The following DNAJB14 variants were observed in gnomAD, a reference collection of about 807,000 sequenced individuals.
DNAJB14 encodes DnaJ heat shock protein family (Hsp40) member B14.
DNAJB14 carries 22 observed loss-of-function variants against 48.4 expected under a neutral mutation model. The ratio of observed to expected loss-of-function variants is 0.45; its 90% confidence interval spans 0.32 to 0.65. The LOEUF (loss-of-function observed/expected upper bound fraction) is 0.65. Ranked by LOEUF, DNAJB14 falls within the 30% of genes least tolerant of loss-of-function variation. DNAJB14 has a pLI of 0.03. For missense variants in DNAJB14, 319 were observed against 458.8 expected (o/e 0.70, Z 2.78); for synonymous variants, 142 against 158.7 (o/e 0.89, Z 0.79).
At chr4:99,936,499 G>C (rs1578237002) in intron 1 of DNAJB14, among the ~76,000 whole-genome samples, 1 of 152,102 alleles carries the variant, frequency 6.6e-6, no homozygotes, top group South Asian at 2.1e-4. Flanking sequence ...TTTATTTCCT[G>C]GCTCTGTCCA....
rs1477863998 is a variant in DNAJB14, at chr4:99,899,772, T to C, written c.*1256A>G. 2 of 151,912 alleles carry C rather than the reference T, an allele frequency of 1.3e-5. No individual in the cohort carries two copies. Among genetic ancestry groups the C allele is most frequent in the African/African-American group, 4.8e-5 (2 of 41,396 alleles). The allele number at this position is 151,912 out of a possible 1,614,324, so 9.4% of individuals were successfully genotyped here. ...AAATCAAATAGTTTCATATCCAGTA[T>C]ACAGGCATCAAAAACTTCAATTTCC... On this transcript the variant is annotated 3_prime_UTR_variant, in exon 8 of 8. Transcript: ENST00000442697.
chr4:99,940,230 TTTC>T (rs1488852013), intron 1 of DNAJB14, among the ~76,000 whole-genome samples: 1 of 152,254 alleles, frequency 6.6e-6, no homozygotes, highest in Non-Finnish European at 1.5e-5. Flanking sequence ...AAATAGATTT[TTTC>T]TTTTTCACAA....
chr4:99,900,820 T>G lies in DNAJB14; in HGVS notation c.*208A>C. 2 of 397,896 alleles carry G rather than the reference T, an allele frequency of 5.0e-6. No homozygotes were observed. Among genetic ancestry groups the G allele is most frequent in the Non-Finnish European group, 8.7e-6 (2 of 228,940 alleles). 24.6% of individuals were successfully genotyped at this position (397,896 alleles called of 1,614,324 possible). A position where few individuals can be genotyped will look rare whatever the true frequency, so the allele number is the denominator to read the frequency against. On this transcript the variant is annotated 3_prime_UTR_variant, in exon 8 of 8. Coordinates refer to ENST00000442697, the MANE Select transcript of DNAJB14 (RefSeq NM_001031723.4). ...TGTAAGCTTTTAAAATGAAAATACTTGTAGAAGCGTTAACTAAAATATTCC... is the reference window on the plus strand; with the variant it reads ...TGTAAGCTTTTAAAATGAAAATACTGGTAGAAGCGTTAACTAAAATATTCC...
rs956186325 is a variant in DNAJB14, at chr4:99,946,535, C to T, written c.37G>A (p.Glu13Lys). 2.5e-6 allele frequency: 4 copies of T among 1,613,746 alleles called. No homozygotes were observed. The highest frequency in any genetic ancestry group is 1.3e-5 in the African/African-American group (1 of 74,914). Residue 13 changes from glutamate to lysine, a missense_variant, in exon 1 of 8, where the codon GAG becomes AAG. This residue lies in a region of DNAJB14 where 116 missense variants were observed against 134.6 expected (regional missense o/e 0.86). Coordinates refer to ENST00000442697, the MANE Select transcript of DNAJB14 (RefSeq NM_001031723.4). ...GNRDEAEKCV[E>K]IAREALNAGN... ...GCGTTCAGGGCCTCCCGGGCGATCT[C>T]GACACATTTCTCAGCCTCATCCCTG...
At chr4:99,908,626 G>T in intron 4 of DNAJB14, 85 bp downstream of exon 4, 1 of 1,023,656 alleles carries the variant, frequency 9.8e-7, no homozygotes, top group Non-Finnish European at 1.3e-6. Flanking sequence ...TAGGGGAAAA[G>T]GTAGATACAT....
chr4:99,915,815 G>A (rs1405868783), intron 3 of DNAJB14, among the ~76,000 whole-genome samples: 1 of 152,154 alleles, frequency 6.6e-6, no homozygotes, highest in African/African-American at 2.4e-5. Context: ...ATCAATTATT[G>A]AGAGAGAGGT....
At chr4:99,924,871 A>C in intron 2 of DNAJB14, 1 of 1,321,468 alleles carries the variant, frequency 7.6e-7, no homozygotes, top group Non-Finnish European at 1.1e-6. Context: ...ACTGAATTCA[A>C]CTGTAGATTT....
At chr4:99,923,380 C>T (rs546777800) in intron 2 of DNAJB14, among the ~76,000 whole-genome samples, 195 bp from the exon 3 acceptor site, 2 of 152,268 alleles carry the variant, frequency 1.3e-5, no homozygotes, top group African/African-American at 4.8e-5. Context: ...CCAACCTCTT[C>T]CCGAATCTAA....
chr4:99,901,110 C>T lies in DNAJB14; in HGVS notation c.1058G>A (p.Arg353Gln), dbSNP rs1328655343. 10 of 1,610,588 alleles carry T rather than the reference C, an allele frequency of 6.2e-6. No homozygotes were observed. The highest frequency in any genetic ancestry group is 2.2e-5 in the East Asian group (1 of 44,794). The change falls in exon 8 of 8, where the codon CGA (arginine) becomes CAA (glutamine). Residue 353 changes from arginine (R) to glutamine (Q), a missense_variant. Coordinates refer to ENST00000442697, the MANE Select transcript of DNAJB14 (RefSeq NM_001031723.4). ...QYAAKVYRDDRLRRKADALSM... is the reference protein window; with the variant it reads ...QYAAKVYRDDQLRRKADALSM... ...CAAGGCATCTGCCTTCCTTCGGAGT[C>T]GATCATCACGGTATACTTTTGCTGC... is the stretch of plus-strand genomic sequence containing the variant.
intron 1 of DNAJB14, among the ~76,000 whole-genome samples, chr4:99,945,463 A>G (rs1727035702): frequency 1.3e-5 from 2 of 152,238 alleles, no homozygotes; most frequent in Admixed American, 1.3e-4. Flanking sequence ...GCAAGGCAAC[A>G]GTGTAGCGGT....
chr4:99,909,659 A>G (rs1349772309), intron 3 of DNAJB14, among the ~76,000 whole-genome samples: 1 of 152,064 alleles, frequency 6.6e-6, no homozygotes, highest in Admixed American at 6.6e-5. Context: ...CACAGTCCCA[A>G]ATCCAAAAGA....
intron 1 of DNAJB14, among the ~76,000 whole-genome samples, chr4:99,933,433 A>G (rs923178732): frequency 1.4e-4 from 21 of 149,710 alleles, no homozygotes; most frequent in African/African-American, 5.2e-4. Flanking sequence ...CTGGGACTAC[A>G]GGTACCTGCC....
intron 2 of DNAJB14, chr4:99,925,832 A>G (rs1444997507): frequency 1.3e-5 from 2 of 152,214 alleles, no homozygotes; most frequent in African/African-American, 4.8e-5. Flanking sequence ...TCTATTTCAA[A>G]TAAGTAATAA....
intron 4 of DNAJB14, among the ~76,000 whole-genome samples, chr4:99,908,167 CTT>C (rs1238741574): frequency 6.6e-6 from 1 of 151,942 alleles, no homozygotes; most frequent in African/African-American, 2.4e-5. Flanking sequence ...CAATATTTCA[CTT>C]TGATAGTCTA....
rs777433352 is a variant in DNAJB14 at position 99,901,076 on chromosome 4, G to A, written c.1092C>T (p.Asp364=). Residue 364 remains aspartate (D), a synonymous_variant, in exon 8 of 8, where the codon GAC becomes GAT. Coordinates refer to ENST00000442697, the MANE Select transcript of DNAJB14 (RefSeq NM_001031723.4). ...LRRKADALSM[D]NCKELERLTS... is the part of the protein sequence containing the mutation. ...TAAGCCGCTCTAATTCTTTACAGTT[G>A]TCCATGCTCAAGGCATCTGCCTTCC... 6.2e-6 allele frequency: 10 copies of A among 1,610,664 alleles called. No individual in the cohort carries two copies. Among genetic ancestry groups the A allele is most frequent in the South Asian group, 2.2e-5 (2 of 90,930 alleles).
chr4:99,906,961 T>A (rs566906473), intron 4 of DNAJB14, among the ~76,000 whole-genome samples: 148 of 152,308 alleles, frequency 9.7e-4, no homozygotes, highest in African/African-American at 3.4e-3. Flanking sequence ...GCTTTTTGCA[T>A]TTATCAATGA....
At chr4:99,922,722 A>G (rs1726105280) in intron 3 of DNAJB14, 1 of 182,706 alleles carries the variant, frequency 5.5e-6, no homozygotes, top group African/African-American at 2.3e-5. Context: ...TTCATTTAGA[A>G]CCAGATGACA....
At position 99,899,357 on chromosome 4, in the gene DNAJB14, A is replaced by C. The variant is rs531647022; in HGVS notation, c.*1671T>G. ...TTTTAAAAACTTACTCTGCAGGCTCAACAAAATAATTAAAATTGTATTTTC... is the reference window on the plus strand; with the variant it reads ...TTTTAAAAACTTACTCTGCAGGCTCCACAAAATAATTAAAATTGTATTTTC... On this transcript the variant is annotated 3_prime_UTR_variant, in exon 8 of 8. Transcript: ENST00000442697. 162 of 152,292 alleles carry C rather than the reference A, an allele frequency of 1.1e-3. No individual in the cohort carries two copies. Among genetic ancestry groups the C allele is most frequent in the African/African-American group, 3.8e-3 (157 of 41,540 alleles). 9.4% of individuals were successfully genotyped at this position (152,292 alleles called of 1,614,324 possible).
intron 1 of DNAJB14, among the ~76,000 whole-genome samples, chr4:99,946,130 TA>T (rs1727058166): frequency 6.6e-6 from 1 of 152,198 alleles, no homozygotes; most frequent in African/African-American, 2.4e-5. Context: ...CTCACTGTGG[TA>T]AGACGGGACC....
Sources: allele counts gnomAD v4.1 joint callset (sites outside exome capture counted in the v4.1 genomes callset), GRCh38; gene constraint gnomAD v4.1.1; regional missense constraint gnomAD v4.1.1; transcripts MANE v1.5; gene names NCBI Gene and HGNC (gene_info 2026-07-23, HGNC 2026-07-21).